Variants in HMCN1 observed in about 807,000 individuals in gnomAD.
HMCN1 encodes the protein hemicentin 1.
HMCN1 carries 321 observed loss-of-function variants against 625.9 expected under a neutral mutation model. The observed-to-expected ratio is 0.51, with a 90% CI of 0.47 to 0.56. The LOEUF is 0.56. Among genes scored for constraint, HMCN1 ranks in the 20% least tolerant of loss-of-function variants. HMCN1 has a pLI of 0.00. For missense variants in HMCN1, 6,588 were observed against 6,887.3 expected (o/e 0.96, Z 1.54); for synonymous variants, 2,425 against 2,417.6 (o/e 1.00, Z -0.09).
At chr1:186,039,678 T>TC in intron 38 of HMCN1, 50 bp from the exon 39 acceptor site, 1 of 1,580,434 alleles carries the variant, frequency 6.3e-7, no homozygotes, top group South Asian at 1.1e-5. Flanking sequence ...TCATTTGAGA[T>TC]CACAAATCCT....
chr1:186,048,735 G>A lies in HMCN1; in HGVS notation c.6481-8G>A. 1 of 1,561,932 alleles carries A rather than the reference G, an allele frequency of 6.4e-7. No homozygotes were observed. The highest frequency in any genetic ancestry group is 1.1e-5 in the South Asian group (1 of 90,046). On this transcript the variant is annotated splice_region_variant and splice_polypyrimidine_tract_variant and intron_variant, in intron 41 of 106. Transcript: ENST00000271588. The stretch of plus-strand genomic sequence containing the variant: ...AAGTGTGATTTCAAAGGATGATTTT[G>A]TTTTCAGATTGAAGATGCTCAGGTT...
At chr1:185,936,200 T>C (rs1057381229) in intron 11 of HMCN1, among the ~76,000 whole-genome samples, 5 of 152,064 alleles carry the variant, frequency 3.3e-5, no homozygotes, top group Admixed American at 6.6e-5. Context: ...TTTGTAGTAA[T>C]TTTACAAAAT....
At chr1:186,179,855 C>T (rs1652835360) in intron 104 of HMCN1, among the ~76,000 whole-genome samples, 1 of 152,096 alleles carries the variant, frequency 6.6e-6, no homozygotes, top group Non-Finnish European at 1.5e-5. Flanking sequence ...TAGGTGGATT[C>T]ATCTTCCCAT....
chr1:186,142,652 C>G (rs1331510767), intron 89 of HMCN1, among the ~76,000 whole-genome samples: 3 of 152,054 alleles, frequency 2.0e-5, no homozygotes, highest in African/African-American at 7.2e-5. Flanking sequence ...TGCTATCATT[C>G]CATTCTTATA....
intron 89 of HMCN1, among the ~76,000 whole-genome samples, chr1:186,138,292 G>A (rs1361327151): frequency 6.6e-6 from 1 of 152,120 alleles, no homozygotes; most frequent in Non-Finnish European, 1.5e-5. Context: ...CATCCATTTC[G>A]AGGTGAGAAA....
chr1:186,177,594 G>A (rs778550417), intron 103 of HMCN1, among the ~76,000 whole-genome samples: 12 of 152,006 alleles, frequency 7.9e-5, no homozygotes, highest in Non-Finnish European at 7.4e-5. Context: ...AGAATTAGGA[G>A]GGCAAAGATG....
intron 4 of HMCN1, among the ~76,000 whole-genome samples, chr1:185,897,828 C>T (rs567444907): frequency 4.6e-5 from 7 of 152,110 alleles, no homozygotes; most frequent in Non-Finnish European, 1.0e-4. Context: ...GAGATAAGGT[C>T]CCCTCTTGTG....
chr1:185,743,429 T>C (rs529307855), intron 1 of HMCN1, among the ~76,000 whole-genome samples: 55 of 152,310 alleles, frequency 3.6e-4, no homozygotes, highest in Non-Finnish European at 3.7e-4. Flanking sequence ...CTGAGTCTTG[T>C]GTAGTGATTG....
At chr1:186,039,628 A>C in intron 38 of HMCN1, 100 bp from the exon 39 acceptor site, 1 of 1,309,064 alleles carries the variant, frequency 7.6e-7, no homozygotes, top group Non-Finnish European at 1.1e-6. Flanking sequence ...CAAACCCTCC[A>C]ATAAGAACAT....
intron 15 of HMCN1, among the ~76,000 whole-genome samples, chr1:185,976,669 C>T (rs1651239988): frequency 6.6e-6 from 1 of 152,128 alleles, no homozygotes; most frequent in Non-Finnish European, 1.5e-5. Context: ...AATTAACTAT[C>T]TGTGTTTCAG....
chr1:185,828,549 G>A (rs969242032), intron 1 of HMCN1, among the ~76,000 whole-genome samples: 3 of 152,040 alleles, frequency 2.0e-5, no homozygotes, highest in South Asian at 2.1e-4. Context: ...TAGAAGACCT[G>A]GTTAATATAA....
At position 186,067,946 on chromosome 1, in the gene HMCN1, C is replaced by T. The variant is rs138332626; in HGVS notation, c.7818C>T (p.Thr2606=). The change falls in exon 50 of 107, where the codon ACC becomes ACT. Residue 2606 remains threonine (T), a synonymous_variant. Coordinates refer to ENST00000271588, the MANE Select transcript of HMCN1 (RefSeq NM_031935.3). ...AAGCTTATTCATATCCTCCAGCTAC[C>T]ATCACCTGGTTTAAGGATGGCACTC... ...VCEAYSYPPA[T]ITWFKDGTPL... 2.5e-3 allele frequency: 3,988 copies of T among 1,613,488 alleles called. 149 individuals carry two copies. The Admixed American group carries it at 0.058, about 23-fold the overall frequency.
intron 50 of HMCN1, 150 bp from the exon 51 acceptor site, chr1:186,069,513 T>C: frequency 1.5e-6 from 1 of 682,094 alleles, no homozygotes; most frequent in Non-Finnish European, 2.7e-6. Flanking sequence ...CCCATCAGTA[T>C]TGCAGTTTAT....
intron 97 of HMCN1, among the ~76,000 whole-genome samples, chr1:186,162,952 A>G (rs1651610284): frequency 6.6e-6 from 1 of 152,180 alleles, no homozygotes; most frequent in Non-Finnish European, 1.5e-5. Flanking sequence ...TCAGACAGGG[A>G]CATTTAAGTC....
intron 22 of HMCN1, among the ~76,000 whole-genome samples, chr1:185,991,601 C>T (rs1174676129): frequency 6.6e-6 from 1 of 152,056 alleles, no homozygotes; most frequent in Non-Finnish European, 1.5e-5. Flanking sequence ...CATTTATCTA[C>T]TATTATACAA....
chr1:185,801,725 G>C (rs1658807871), intron 1 of HMCN1, among the ~76,000 whole-genome samples: 1 of 152,170 alleles, frequency 6.6e-6, no homozygotes, highest in Admixed American at 6.5e-5. Flanking sequence ...CTAGGGAACG[G>C]ACAGAGAGGA....
At chr1:186,105,981 T>C (rs1340423371) in intron 69 of HMCN1, among the ~76,000 whole-genome samples, 1 of 152,236 alleles carries the variant, frequency 6.6e-6, no homozygotes, top group Non-Finnish European at 1.5e-5. Context: ...AGTGTTGTTC[T>C]TCTAAAATTA....
intron 11 of HMCN1, among the ~76,000 whole-genome samples, chr1:185,952,421 T>C (rs1044963253): frequency 6.6e-6 from 1 of 151,562 alleles, no homozygotes; most frequent in African/African-American, 2.4e-5. Flanking sequence ...TCAGCGACGC[T>C]TGGGGTTGGT....
At chr1:186,016,924 A>T (rs1257779795) in intron 32 of HMCN1, 39 bp from the exon 33 acceptor site, 1 of 1,105,832 alleles carries the variant, frequency 9.0e-7, no homozygotes, top group South Asian at 1.2e-5. Flanking sequence ...TTTTTGTTGT[A>T]TACATTTCTT....
Sources: gnomAD v4.1 joint callset for allele counts (sites outside exome capture counted in the v4.1 genomes callset) on GRCh38, gnomAD v4.1.1 for gene constraint, MANE v1.5 for transcripts, NCBI Gene and HGNC (gene_info 2026-07-23, HGNC 2026-07-21) for gene names.